The following INPP4A variants were observed in gnomAD, a reference collection of about 807,000 sequenced individuals.
INPP4A encodes the protein inositol polyphosphate-4-phosphatase, type I, 107kD.
In INPP4A, 33 loss-of-function variants were observed where a neutral mutation model predicts 119.8. The ratio of observed to expected loss-of-function variants is 0.28; its 90% CI spans 0.21 to 0.37. INPP4A has a LOEUF of 0.37. Among genes scored for constraint, INPP4A ranks in the 10% least tolerant of loss-of-function variants. The probability of loss-of-function intolerance (pLI) is 1.00; values close to 1 mark genes in which losing one functional copy is unlikely to be tolerated. For synonymous variants in INPP4A, 496 were observed against 500.7 expected (o/e 0.99, Z 0.12); for missense variants, 956 against 1,289.9 (o/e 0.74, Z 3.97).
At position 98,554,470 on chromosome 2, in the gene INPP4A, A is replaced by T; in HGVS notation, c.1547A>T (p.Asp516Val). ...GRNSRSSLQV[D>V]WHEEEWEKVW... is the part of the protein sequence containing the mutation. ...AACAGCCGATCTTCCCTGCAGGTGGACTGGCACGAGGAGGAGTGGGTGAGT... is the reference window on the plus strand; with the variant it reads ...AACAGCCGATCTTCCCTGCAGGTGGTCTGGCACGAGGAGGAGTGGGTGAGT... The change falls in exon 15 of 25, where the codon GAC becomes GTC. Residue 516 changes from aspartate (D) to valine (V), a missense_variant. Asp to Val is a radical substitution (Grantham distance 152, BLOSUM62 -3). Transcript: ENST00000409851. The surrounding 1 kb of genome is among the most constrained non-coding windows in gnomAD (Gnocchi z 4.7). 6.2e-7 allele frequency: 1 copy of T among 1,613,674 alleles called. No homozygotes were observed. Among genetic ancestry groups the T allele is most frequent in the Non-Finnish European group, 8.5e-7 (1 of 1,179,828 alleles).
intron 3 of INPP4A, 66 bp downstream of exon 3, chr2:98,520,220 A>G (rs551018259): frequency 1.6e-6 from 2 of 1,214,470 alleles, no homozygotes; most frequent in Admixed American, 2.0e-5. Context: ...TCCACACTGC[A>G]GCAGTGCTGG....
At chr2:98,463,089 G>A (rs965841455) in intron 1 of INPP4A, among the ~76,000 whole-genome samples, 19 of 152,208 alleles carry the variant, frequency 1.2e-4, no homozygotes, top group Admixed American at 1.1e-3. Flanking sequence ...TGATCTGCCC[G>A]CCTCGGCCTC....
chr2:98,535,709 T>C lies in INPP4A; in HGVS notation c.271-20T>C, dbSNP rs1690135303. 5.2e-6 allele frequency: 6 copies of C among 1,149,978 alleles called. No homozygotes were observed. Among genetic ancestry groups the C allele is most frequent in the Non-Finnish European group, 7.7e-6 (6 of 782,472 alleles). 71.2% of individuals were successfully genotyped at this position (1,149,978 alleles called of 1,614,324 possible). A position where few individuals can be genotyped will look rare whatever the true frequency, so the allele number is the denominator to read the frequency against. Reference sequence around the variant, plus strand: ...TAAAAATCCAACCCTGTGTTCTGATTATTTCCTTTTCTGTTCTAGGGAACC... The same window carrying C: ...TAAAAATCCAACCCTGTGTTCTGATCATTTCCTTTTCTGTTCTAGGGAACC... On this transcript the variant is annotated intron_variant, in intron 5 of 24. Coordinates refer to ENST00000409851, the MANE Select transcript of INPP4A (RefSeq NM_001134225.2).
At chr2:98,496,069 C>G (rs143424494) in intron 1 of INPP4A, among the ~76,000 whole-genome samples, 1 of 152,138 alleles carries the variant, frequency 6.6e-6, no homozygotes, top group Non-Finnish European at 1.5e-5. Flanking sequence ...TTTAAGATCT[C>G]TGTTTTATCA....
intron 1 of INPP4A, among the ~76,000 whole-genome samples, chr2:98,466,774 T>C (rs1046993803): frequency 1.3e-5 from 2 of 152,232 alleles, no homozygotes; most frequent in Non-Finnish European, 2.9e-5. Flanking sequence ...CCCAGAGTTT[T>C]ATTTCCATCT....
intron 17 of INPP4A, among the ~76,000 whole-genome samples, chr2:98,560,058 A>G (rs969400524): frequency 1.2e-4 from 18 of 152,372 alleles, no homozygotes; most frequent in Non-Finnish European, 2.1e-4. Flanking sequence ...CAGCAGTGCC[A>G]GAGTTCGTTG....
chr2:98,446,133 G>A (rs1694148251), intron 1 of INPP4A, among the ~76,000 whole-genome samples: 1 of 152,210 alleles, frequency 6.6e-6, no homozygotes, highest in African/African-American at 2.4e-5. Flanking sequence ...TGCTGACTCT[G>A]GTTCTTATCT....
intron 1 of INPP4A, among the ~76,000 whole-genome samples, chr2:98,490,719 G>A (rs952252031): frequency 3.9e-5 from 6 of 152,116 alleles, no homozygotes; most frequent in African/African-American, 9.7e-5. Flanking sequence ...CCTGTGTGAC[G>A]CCTGGGCCTC....
chr2:98,491,319 G>A (rs561213660), intron 1 of INPP4A, among the ~76,000 whole-genome samples: 86 of 152,222 alleles, frequency 5.6e-4, no homozygotes, highest in South Asian at 1.7e-3. Context: ...CATCCTGGAC[G>A]CAGCGCCACG....
chr2:98,492,271 T>A (rs1680966296), intron 1 of INPP4A, among the ~76,000 whole-genome samples: 1 of 152,164 alleles, frequency 6.6e-6, no homozygotes, highest in South Asian at 2.1e-4. Context: ...ACTGAGTGAA[T>A]TTCACACCAT....
rs1481223387 is a variant in INPP4A, at chr2:98,594,286, G to A, written c.*6678G>A. On this transcript the variant is annotated 3_prime_UTR_variant, in exon 25 of 25. Coordinates refer to ENST00000409851, the MANE Select transcript of INPP4A (RefSeq NM_001134225.2). ...GGTTCAGGCAATGTTATCTTGATCTGGATGGCCAGTTACATGACAGATTAC... is the reference window on the plus strand; with the variant it reads ...GGTTCAGGCAATGTTATCTTGATCTAGATGGCCAGTTACATGACAGATTAC... The A allele has an allele frequency of 6.6e-6, 1 of 152,210 alleles. No individual in the cohort carries two copies. The highest frequency in any genetic ancestry group is 1.5e-5 in the Non-Finnish European group (1 of 68,044). The allele number at this position is 152,210 out of a possible 1,614,324, so 9.4% of individuals were successfully genotyped here.
At chr2:98,568,703 A>G (rs748105275) in intron 22 of INPP4A, 35 bp downstream of exon 22, 1 of 1,193,976 alleles carries the variant, frequency 8.4e-7, no homozygotes, top group South Asian at 1.3e-5. Context: ...GGTTTCACTT[A>G]CTCGTCTTTT....
intron 1 of INPP4A, among the ~76,000 whole-genome samples, chr2:98,489,343 G>A (rs1009730364): frequency 6.6e-6 from 1 of 152,028 alleles, no homozygotes; most frequent in African/African-American, 2.4e-5. Context: ...AGGCCAAGAG[G>A]GGTTTTGGCA....
intron 1 of INPP4A, among the ~76,000 whole-genome samples, chr2:98,494,777 AG>A (rs1358532691): frequency 1.4e-4 from 22 of 152,242 alleles, no homozygotes. Flanking sequence ...TCCCTGTGAA[AG>A]GTCTCCATTT....
chr2:98,480,372 C>T (rs1678160316), intron 1 of INPP4A, among the ~76,000 whole-genome samples: 1 of 152,196 alleles, frequency 6.6e-6, no homozygotes, highest in Non-Finnish European at 1.5e-5. Flanking sequence ...TATTCATTTC[C>T]ATTTTGCAGA....
At chr2:98,484,436 A>C (rs1351475430) in intron 1 of INPP4A, among the ~76,000 whole-genome samples, 1 of 152,074 alleles carries the variant, frequency 6.6e-6, no homozygotes, top group African/African-American at 2.4e-5. Context: ...TGATGAGCTC[A>C]AAGTCCAGAA....
chr2:98,580,986 C>T (rs557827697), intron 24 of INPP4A, among the ~76,000 whole-genome samples: 178 of 152,348 alleles, frequency 1.2e-3, no homozygotes, highest in African/African-American at 4.2e-3. Context: ...TCATGCCTGC[C>T]ACTGCTGAGC....
intron 4 of INPP4A, 189 bp downstream of exon 4, chr2:98,520,920 C>A (rs887455681): frequency 3.9e-6 from 2 of 508,468 alleles, no homozygotes; most frequent in Non-Finnish European, 6.9e-6. Flanking sequence ...ACCTTGGAGC[C>A]TCCGTGCCCA....
chr2:98,520,521 ACTT>A (rs1367509718), intron 3 of INPP4A, among the ~76,000 whole-genome samples, 163 bp from the exon 4 acceptor site: 5 of 151,984 alleles, frequency 3.3e-5, no homozygotes, highest in African/African-American at 7.3e-5. Flanking sequence ...GGGGTCAGGG[ACTT>A]CTTAGCAATC....
Sources: gnomAD v4.1 joint callset for allele counts (sites outside exome capture counted in the v4.1 genomes callset) on GRCh38, gnomAD v4.1.1 for gene constraint, Gnocchi (gnomAD v3.1) non-coding constraint, MANE v1.5 for transcripts, NCBI Gene and HGNC (gene_info 2026-07-23, HGNC 2026-07-21) for gene names.